TENM3: variants seen among roughly 807,000 people sequenced by gnomAD.
TENM3 encodes teneurin transmembrane protein 3.
A neutral mutation model predicts 255.1 loss-of-function variants in TENM3; 63 were observed. The ratio of observed to expected loss-of-function variants is 0.25; its 90% confidence interval spans 0.20 to 0.30. The LOEUF is 0.30. TENM3 is among the 10% of genes least tolerant of loss of function. TENM3 has a pLI of 1.00. For missense variants in TENM3, 2,929 were observed against 3,461.1 expected (o/e 0.85, Z 3.86); for synonymous variants, 1,306 against 1,322.3 (o/e 0.99, Z 0.27).
chr4:182,172,541 T>C (rs1752179257), intron 1 of TENM3, among the ~76,000 whole-genome samples: 1 of 152,206 alleles, frequency 6.6e-6, no homozygotes, highest in Non-Finnish European at 1.5e-5. Flanking sequence ...AGATACTATT[T>C]AAGAAATCAG....
chr4:182,184,944 A>G (rs56043134), intron 1 of TENM3, among the ~76,000 whole-genome samples: 3,117 of 152,068 alleles, frequency 0.02, 87 homozygotes, highest in African/African-American at 0.071. Flanking sequence ...ATAGCTGGGC[A>G]TGGTGGTGGG....
chr4:181,838,723 ATT>A, the TENM3 span, among the ~76,000 whole-genome samples: 1 of 152,082 alleles, frequency 6.6e-6, no homozygotes, highest in Non-Finnish European at 1.5e-5. Context: ...TATTTATAGC[ATT>A]CTTATTTTTA....
intron 1 of TENM3, among the ~76,000 whole-genome samples, chr4:182,306,895 A>G (rs1477276210): frequency 1.3e-5 from 2 of 152,186 alleles, no homozygotes; most frequent in Non-Finnish European, 2.9e-5. Context: ...TTCCCATAAC[A>G]ATTTAAAAGG....
intron 22 of TENM3, among the ~76,000 whole-genome samples, chr4:182,755,704 G>A (rs1290726362): frequency 6.6e-6 from 1 of 152,166 alleles, no homozygotes; most frequent in African/African-American, 2.4e-5. Flanking sequence ...GCCGGGCGTG[G>A]TGGCGGGCGC....
At chr4:182,742,189 G>A (rs1477170976) in intron 18 of TENM3, among the ~76,000 whole-genome samples, 1 of 152,208 alleles carries the variant, frequency 6.6e-6, no homozygotes, top group African/African-American at 2.4e-5. Flanking sequence ...GCACTGATCT[G>A]TATAGAGCAA....
chr4:182,351,995 G>A (rs1765213620), intron 3 of TENM3, among the ~76,000 whole-genome samples: 1 of 152,110 alleles, frequency 6.6e-6, no homozygotes, highest in African/African-American at 2.4e-5. Flanking sequence ...AATTATATCT[G>A]TTTATGTGGC....
At chr4:181,520,218 T>A in the TENM3 span, among the ~76,000 whole-genome samples, 1 of 152,210 alleles carries the variant, frequency 6.6e-6, no homozygotes, top group African/African-American at 2.4e-5. Flanking sequence ...TATCATTTGA[T>A]GTGGCACTGA....
At chr4:182,665,986 A>G (rs1460896197) in intron 6 of TENM3, among the ~76,000 whole-genome samples, 2 of 152,174 alleles carry the variant, frequency 1.3e-5, no homozygotes, top group Non-Finnish European at 2.9e-5. Context: ...AAAGACTAAC[A>G]TTAGCAAGAG....
In TENM3 at chr4:182,784,639, G is replaced by A. The variant is rs1013546967; in HGVS notation, c.5305-4454G>A. On this transcript the variant is annotated intron_variant, in intron 24 of 27. Transcript: ENST00000511685. ...TAAGCAAGCCTGGGCAATGGCGGGC[G>A]CCCCTCCCCAAGCCTCGCTGCCGCC... Among the ~76,000 whole-genome samples the A allele has an allele frequency of 4.0e-5, 6 of 151,354 alleles. No individual in the cohort carries two copies. The East Asian group carries it at 5.9e-4, about 15-fold the overall frequency.
At chr4:181,765,251 G>A in the TENM3 span, among the ~76,000 whole-genome samples, 1 of 152,118 alleles carries the variant, frequency 6.6e-6, no homozygotes, top group Non-Finnish European at 1.5e-5. Context: ...GATCTCTTGG[G>A]AAATGTTTAT....
At chr4:181,542,071 C>T in the TENM3 span, among the ~76,000 whole-genome samples, 1 of 152,128 alleles carries the variant, frequency 6.6e-6, no homozygotes, top group Non-Finnish European at 1.5e-5. Flanking sequence ...CCTCCTAGAG[C>T]TTAAATTTTA....
chr4:181,630,207 G>A, the TENM3 span, among the ~76,000 whole-genome samples: 13,615 of 152,030 alleles, frequency 0.09, 643 homozygotes, highest in East Asian at 0.14. Flanking sequence ...TTTTTATTGT[G>A]TCTATTTGAT....
At chr4:182,262,894 T>C (rs1758935124) in intron 1 of TENM3, among the ~76,000 whole-genome samples, 1 of 151,990 alleles carries the variant, frequency 6.6e-6, no homozygotes. Context: ...TTTGTATTTT[T>C]AGTAGAGACG....
At chr4:181,826,949 G>C in the TENM3 span, among the ~76,000 whole-genome samples, 1 of 152,230 alleles carries the variant, frequency 6.6e-6, no homozygotes. Flanking sequence ...TCCCAGGAAA[G>C]AAGTGTGGTG....
At chr4:182,142,929 C>T (rs1561132712), upstream of TENM3, 1 of 167,076 alleles carries the variant, frequency 6.0e-6, no homozygotes, top group African/African-American at 2.4e-5. Context: ...CCATTCGGAG[C>T]TACAAAACTC....
At chr4:182,711,356 A>G (rs1030351012) in intron 12 of TENM3, among the ~76,000 whole-genome samples, 1 of 152,206 alleles carries the variant, frequency 6.6e-6, no homozygotes, top group African/African-American at 2.4e-5. Flanking sequence ...TAGTTCAGTG[A>G]GTTGAAAATG....
chr4:181,714,167 G>C, the TENM3 span, among the ~76,000 whole-genome samples: 1 of 152,174 alleles, frequency 6.6e-6, no homozygotes, highest in Admixed American at 6.5e-5. Flanking sequence ...CAGGTGCGGT[G>C]GCTCATGCCT....
At chr4:182,720,648 G>A (rs903926838) in intron 13 of TENM3, among the ~76,000 whole-genome samples, 2 of 152,062 alleles carry the variant, frequency 1.3e-5, no homozygotes, top group African/African-American at 4.8e-5. Flanking sequence ...TAAAGCAGAG[G>A]ACTTCAGTAG....
chr4:182,643,978 G>A (rs773233319), intron 5 of TENM3, among the ~76,000 whole-genome samples: 1 of 152,128 alleles, frequency 6.6e-6, no homozygotes, highest in Non-Finnish European at 1.5e-5. Context: ...GTCTTTGTGA[G>A]AATGTTCACT....
Sources: gnomAD v4.1 joint callset for allele counts (sites outside exome capture counted in the v4.1 genomes callset) on GRCh38, gnomAD v4.1.1 for gene constraint, MANE v1.5 for transcripts, NCBI Gene and HGNC (gene_info 2026-07-23, HGNC 2026-07-21) for gene names.